The following TEX11 variants were observed in gnomAD, a reference collection of about 807,000 sequenced individuals.
The protein encoded by TEX11 is testis expressed 11, also known as testis-expressed protein 11.
TEX11 carries 7 observed loss-of-function variants against 84.4 expected under a neutral mutation model. The observed-to-expected ratio is 0.08, with a 90% CI of 0.05 to 0.16. The LOEUF (loss-of-function observed/expected upper bound fraction) is 0.16, where lower values mean the gene tolerates loss of function less well. Among genes scored for constraint, TEX11 ranks in the 10% least tolerant of loss-of-function variants. The probability of loss-of-function intolerance (pLI) is 1.00; values close to 1 mark genes in which losing one functional copy is unlikely to be tolerated. For missense variants in TEX11, 551 were observed against 660.5 expected, an observed-to-expected ratio of 0.83 and a Z score of 1.82; for synonymous variants, 264 against 222.8, an observed-to-expected ratio of 1.18 and a Z score of -1.64.
intron 20 of TEX11, among the ~76,000 whole-genome samples, chrX:70,615,120 T>C (rs2089303850): frequency 9.1e-6 from 1 of 110,335 alleles, no homozygotes; most frequent in Non-Finnish European, 1.9e-5. Context: ...TAATACTAAT[T>C]ATTCAGTGCC....
At position 70,850,534 on chromosome X, in the gene TEX11, G is replaced by A. The variant is rs769211289; in HGVS notation, c.525+2500C>T. Reference sequence around the variant, plus strand: ...AGGTGGGAGAATCACTTGAGCCCAGGAGTTCAAGAACAGCCTAGACAACAT... The same window carrying A: ...AGGTGGGAGAATCACTTGAGCCCAGAAGTTCAAGAACAGCCTAGACAACAT... On this transcript the variant is annotated intron_variant, in intron 7 of 29. Coordinates refer to ENST00000374333, the MANE Select transcript of TEX11 (RefSeq NM_031276.3). Among the ~76,000 whole-genome samples the A allele has an allele frequency of 1.5e-4, 16 of 103,658 alleles. No homozygotes were observed. In the East Asian group the frequency reaches 4.5e-3, roughly 29 times the overall value. 90.0% of individuals were successfully genotyped at this position (103,658 alleles called of 115,157 possible). A position where few individuals can be genotyped will look rare whatever the true frequency, so the allele number is the denominator to read the frequency against.
At chrX:70,747,557 C>CGTGT (rs2090776762) in intron 9 of TEX11, among the ~76,000 whole-genome samples, 1 of 111,711 alleles carries the variant, frequency 9.0e-6, no homozygotes, top group Non-Finnish European at 1.9e-5. Context: ...GTGTGACCTA[C>CGTGT]ACAGAAGAAA....
chrX:70,850,861 G>A (rs2091504727), intron 7 of TEX11, among the ~76,000 whole-genome samples: 2 of 111,299 alleles, frequency 1.8e-5, no homozygotes, highest in Admixed American at 9.6e-5. Flanking sequence ...CTTGAGGCCA[G>A]GAGTTTGATA....
intron 13 of TEX11, among the ~76,000 whole-genome samples, chrX:70,696,015 A>T (rs1382369885): frequency 9.0e-6 from 1 of 111,574 alleles, no homozygotes; most frequent in Non-Finnish European, 1.9e-5. Flanking sequence ...AATAATGATC[A>T]TTTTTCCATT....
At chrX:70,859,986 A>G (rs770884289) in intron 5 of TEX11, among the ~76,000 whole-genome samples, 1 of 112,293 alleles carries the variant, frequency 8.9e-6, no homozygotes, top group East Asian at 2.8e-4. Context: ...ACTGCATTCC[A>G]GCCAGGGTGA....
At chrX:70,853,702 C>T (rs2091520911) in intron 5 of TEX11, among the ~76,000 whole-genome samples, 1 of 112,211 alleles carries the variant, frequency 8.9e-6, no homozygotes, top group Non-Finnish European at 1.9e-5. Flanking sequence ...TTTTTAATTC[C>T]ATCTGCAATA....
chrX:70,826,552 T>C (rs1450941814), intron 8 of TEX11, among the ~76,000 whole-genome samples: 1 of 111,757 alleles, frequency 8.9e-6, no homozygotes. Context: ...CCCTCCCCGC[T>C]TCCCTGGCAG....
chrX:70,741,042 T>C (rs930445940), intron 10 of TEX11, among the ~76,000 whole-genome samples: 3 of 111,382 alleles, frequency 2.7e-5, no homozygotes, highest in Non-Finnish European at 5.6e-5. Context: ...TATAATTATG[T>C]TAATATAATT....
At chrX:70,826,441 C>T (rs2091346983) in intron 8 of TEX11, among the ~76,000 whole-genome samples, 1 of 111,921 alleles carries the variant, frequency 8.9e-6, no homozygotes. Flanking sequence ...ATCACAAGAA[C>T]CAAAACCAGG....
At chrX:70,761,905 G>C (rs1195364724) in intron 9 of TEX11, among the ~76,000 whole-genome samples, 2 of 111,058 alleles carry the variant, frequency 1.8e-5, no homozygotes, top group African/African-American at 6.6e-5. Flanking sequence ...GATCTTAAAA[G>C]CAGTAAGAGA....
rs760703412 is a variant in TEX11 at position 70,543,772 on chromosome X, T to C, written c.2520+8354A>G. ...CAGATAGTCATGTCTCACTTCACAA[T>C]GGGGACACAAGCTGAGAAATGTATC... On this transcript the variant is annotated intron_variant, in intron 28 of 29. Coordinates refer to ENST00000374333, the MANE Select transcript of TEX11 (RefSeq NM_031276.3). Among the ~76,000 whole-genome samples, 72 of 111,933 alleles carry C rather than the reference T, an allele frequency of 6.4e-4. 1 individual carries two copies. The highest frequency in any genetic ancestry group is 4.3e-4 in the Non-Finnish European group (23 of 53,227).
intron 13 of TEX11, among the ~76,000 whole-genome samples, chrX:70,698,019 T>G (rs751519495): frequency 9.0e-6 from 1 of 111,529 alleles, no homozygotes; most frequent in African/African-American, 3.2e-5. Flanking sequence ...TATTTTTTAT[T>G]ATTATAAGTA....
chrX:70,729,126 A>G (rs1167396671), intron 11 of TEX11, among the ~76,000 whole-genome samples: 1 of 96,824 alleles, frequency 1.0e-5, no homozygotes, highest in East Asian at 3.4e-4. Context: ...GAAAACTAAC[A>G]AACAGAAAGG....
intron 9 of TEX11, among the ~76,000 whole-genome samples, chrX:70,787,181 T>C (rs2091084872): frequency 8.9e-6 from 1 of 112,140 alleles, no homozygotes; most frequent in South Asian, 3.7e-4. Context: ...TTTTTCATTA[T>C]AAAACTCTCA....
chrX:70,556,773 G>A (rs1035053663), intron 25 of TEX11, among the ~76,000 whole-genome samples: 2 of 110,839 alleles, frequency 1.8e-5, no homozygotes, highest in Non-Finnish European at 3.8e-5. Context: ...TTTAGTTCTA[G>A]CAGTTTTTGC....
intron 9 of TEX11, among the ~76,000 whole-genome samples, chrX:70,801,550 T>C (rs1380214206): frequency 8.9e-6 from 1 of 111,772 alleles, no homozygotes; most frequent in Non-Finnish European, 1.9e-5. Flanking sequence ...CTGATTTCTT[T>C]GGGGCATTGT....
At chrX:70,621,581 T>TATATATATATAA (rs1337680043) in intron 20 of TEX11, among the ~76,000 whole-genome samples, 3 of 51,364 alleles carry the variant, frequency 5.8e-5, no homozygotes, top group Non-Finnish European at 6.7e-5. Flanking sequence ...TATATATAAA[T>TATATATATATAA]AAAAATAAAA....
chrX:70,779,430 AAAG>A, intron 9 of TEX11, among the ~76,000 whole-genome samples: 1 of 108,892 alleles, frequency 9.2e-6, no homozygotes, highest in Admixed American at 1.0e-4. Context: ...AAAAAAAAAA[AAAG>A]AAAGTTTACA....
intron 8 of TEX11, among the ~76,000 whole-genome samples, chrX:70,817,770 G>T (rs1367791591): frequency 9.6e-6 from 1 of 103,978 alleles, no homozygotes. Flanking sequence ...GGAAAAGAAA[G>T]GAAAGGAAAA....
Sources: allele counts gnomAD v4.1 joint callset (sites outside exome capture counted in the v4.1 genomes callset), GRCh38; gene constraint gnomAD v4.1.1; transcripts MANE v1.5; gene names NCBI Gene and HGNC (gene_info 2026-07-23, HGNC 2026-07-21).